The following RANBP2 variants were observed in gnomAD, a reference collection of about 807,000 sequenced individuals.
RANBP2 encodes the protein E3 SUMO-protein ligase RanBP2.
In RANBP2, 57 loss-of-function variants were observed where a neutral mutation model predicts 303.6. That is an observed-to-expected ratio of 0.19 (90% CI 0.15 to 0.23). RANBP2 has a LOEUF of 0.23. Ranked by LOEUF, RANBP2 falls within the 10% of genes least tolerant of loss-of-function variation. The pLI is 1.00. For synonymous variants in RANBP2, 1,167 were observed against 1,301.5 expected, an observed-to-expected ratio of 0.90 and a Z score of 2.23; for missense variants, 3,138 against 3,780.8, an observed-to-expected ratio of 0.83 and a Z score of 4.46.
chr2:109,664,171 T>C, the RANBP2 span, among the ~76,000 whole-genome samples: 1 of 152,228 alleles, frequency 6.6e-6, no homozygotes, highest in East Asian at 1.9e-4. Flanking sequence ...AAAGGTCTTT[T>C]TACTTTGCAG....
chr2:109,665,423 A>G, the RANBP2 span: 2 of 151,038 alleles, frequency 1.3e-5, no homozygotes, highest in East Asian at 3.9e-4. Flanking sequence ...GCTCACCACA[A>G]CCTCCACCTC....
chr2:109,374,906 C>A, the RANBP2 span, among the ~76,000 whole-genome samples: 1 of 152,204 alleles, frequency 6.6e-6, no homozygotes, highest in Non-Finnish European at 1.5e-5. Context: ...ACAAAGTAAA[C>A]GAGAGTGTGC....
the RANBP2 span, among the ~76,000 whole-genome samples, chr2:109,071,673 C>CA: frequency 0.45 from 65,438 of 146,818 alleles, 14,580 homozygotes; most frequent in Non-Finnish European, 0.47. Context: ...GACTCTATCT[C>CA]AAAAAAAAAA....
At chr2:109,341,038 A>G in the RANBP2 span, among the ~76,000 whole-genome samples, 1 of 152,206 alleles carries the variant, frequency 6.6e-6, no homozygotes, top group African/African-American at 2.4e-5. Flanking sequence ...TGGCCTCGTC[A>G]CCCTGTGTTT....
chr2:109,392,991 C>T, the RANBP2 span, among the ~76,000 whole-genome samples: 1,110 of 152,336 alleles, frequency 7.3e-3, 13 homozygotes, highest in East Asian at 0.052. Context: ...CCTGCTTAGT[C>T]TCCTGAAGAA....
chr2:109,704,421 G>A, the RANBP2 span, among the ~76,000 whole-genome samples: 1 of 152,044 alleles, frequency 6.6e-6, no homozygotes, highest in Non-Finnish European at 1.5e-5. Flanking sequence ...GTGGTGGCAC[G>A]CGCCTATGGT....
chr2:109,596,414 A>G, the RANBP2 span, among the ~76,000 whole-genome samples: 13 of 152,130 alleles, frequency 8.5e-5, no homozygotes, highest in East Asian at 2.5e-3. Context: ...TCAGGAGATC[A>G]AGACCATCCT....
At chr2:108,730,009 G>C (rs1432943857) in intron 2 of RANBP2, among the ~76,000 whole-genome samples, 1 of 151,692 alleles carries the variant, frequency 6.6e-6, no homozygotes, top group Non-Finnish European at 1.5e-5. Context: ...GTGTGTTACT[G>C]CTCCCAGCTG....
chr2:108,797,136 A>G, the RANBP2 span, among the ~76,000 whole-genome samples: 63 of 152,312 alleles, frequency 4.1e-4, no homozygotes, highest in South Asian at 0.011. Context: ...AATTTTAGCC[A>G]TTGAGTGGAT....
chr2:109,315,342 G>A, the RANBP2 span, among the ~76,000 whole-genome samples: 1 of 152,160 alleles, frequency 6.6e-6, no homozygotes, highest in East Asian at 1.9e-4. Flanking sequence ...TGCCAAGCCA[G>A]GTAAAGTGCT....
the RANBP2 span, among the ~76,000 whole-genome samples, chr2:109,601,917 G>A: frequency 6.6e-6 from 1 of 152,092 alleles, no homozygotes; most frequent in Non-Finnish European, 1.5e-5. Context: ...GAGGATTAAG[G>A]GACAGCAAAG....
chr2:109,232,914 C>T, the RANBP2 span, among the ~76,000 whole-genome samples: 4 of 152,192 alleles, frequency 2.6e-5, no homozygotes, highest in Admixed American at 6.5e-5. Context: ...CAAACAACTG[C>T]AGTTGAGTGA....
the RANBP2 span, among the ~76,000 whole-genome samples, chr2:109,662,153 C>A: frequency 2.0e-5 from 3 of 152,206 alleles, no homozygotes; most frequent in African/African-American, 7.2e-5. Flanking sequence ...CATCGCCTGG[C>A]AGAACTTTCT....
chr2:108,897,233 C>CAGAA, the RANBP2 span: 1 of 1,613,444 alleles, frequency 6.2e-7, no homozygotes, highest in Admixed American at 1.7e-5. Flanking sequence ...CTAAGACCTA[C>CAGAA]AGACACCAAT....
chr2:109,458,601 A>AGAGAGAGAGAGAGAGAGAGAG, the RANBP2 span, among the ~76,000 whole-genome samples: 121 of 148,822 alleles, frequency 8.1e-4, no homozygotes, highest in East Asian at 1.2e-3. Flanking sequence ...AGAGAGAGAG[A>AGAGAGAGAGAGAGAGAGAGAG]ATTTATTTAT....
At chr2:109,714,118 T>C in the RANBP2 span, among the ~76,000 whole-genome samples, 60 of 152,166 alleles carry the variant, frequency 3.9e-4, 1 homozygote, top group Non-Finnish European at 1.0e-4. Context: ...TCTTGCTCTG[T>C]CACCCAGGTT....
chr2:108,860,751 G>C, the RANBP2 span, among the ~76,000 whole-genome samples: 1 of 151,704 alleles, frequency 6.6e-6, no homozygotes, highest in Non-Finnish European at 1.5e-5. Flanking sequence ...AGGGATATTG[G>C]CCTATAGTTT....
the RANBP2 span, among the ~76,000 whole-genome samples, chr2:109,264,604 A>C: frequency 1.3e-5 from 2 of 152,266 alleles, no homozygotes; most frequent in Non-Finnish European, 2.9e-5. Flanking sequence ...ATGAGCTGAC[A>C]GTTGGATGTC....
the RANBP2 span, among the ~76,000 whole-genome samples, chr2:108,902,047 G>T: frequency 6.6e-6 from 1 of 152,298 alleles, no homozygotes; most frequent in Non-Finnish European, 1.5e-5. Context: ...AGACCAGCCT[G>T]GCCAACATGG....
Sources: allele counts gnomAD v4.1 joint callset (sites outside exome capture counted in the v4.1 genomes callset), GRCh38; gene constraint gnomAD v4.1.1; transcripts MANE v1.5; gene names NCBI Gene and HGNC (gene_info 2026-07-23, HGNC 2026-07-21).